DBT: variants seen among roughly 807,000 people sequenced by gnomAD.
DBT encodes the protein lipoamide acyltransferase component of branched-chain alpha-keto acid dehydrogenase complex, mitochondrial.
Under a neutral mutation model 51.3 loss-of-function variants are expected in DBT, and 40 were observed. The observed-to-expected ratio is 0.78, with a 90% CI of 0.61 to 1.02. The LOEUF is 1.02. DBT is among the 50% of genes least tolerant of loss of function. The probability of loss-of-function intolerance (pLI) is 0.00; values close to 1 mark genes in which losing one functional copy is unlikely to be tolerated. For missense variants in DBT, 510 were observed against 580.2 expected (o/e 0.88, Z 1.24); for synonymous variants, 181 against 190.4 (o/e 0.95, Z 0.41).
At chr1:100,235,533 G>A (rs201227040) in intron 2 of DBT, 22 bp from the exon 3 acceptor site, 2 of 1,359,392 alleles carry the variant, frequency 1.5e-6, no homozygotes, top group Non-Finnish European at 2.1e-6. Context: ...AATGAGAAAT[G>A]ATCTCATTAA....
intron 10 of DBT, among the ~76,000 whole-genome samples, chr1:100,203,208 C>A (rs2100773838): frequency 6.6e-6 from 1 of 151,958 alleles, no homozygotes; most frequent in Non-Finnish European, 1.5e-5. Context: ...GCTAGCTGGA[C>A]TAATAAAGAA....
At chr1:100,202,701 C>T (rs62243433) in intron 10 of DBT, among the ~76,000 whole-genome samples, 1 of 152,088 alleles carries the variant, frequency 6.6e-6, no homozygotes, top group Non-Finnish European at 1.5e-5. Flanking sequence ...TCAGCAAATG[C>T]AAAAGAATGG....
intron 3 of DBT, among the ~76,000 whole-genome samples, chr1:100,234,807 G>A (rs1035000428): frequency 6.6e-6 from 1 of 152,060 alleles, no homozygotes; most frequent in African/African-American, 2.4e-5. Context: ...ATAATAATAA[G>A]TACAAGAAAA....
chr1:100,207,647 C>T (rs1052163094), intron 8 of DBT, among the ~76,000 whole-genome samples: 3 of 152,068 alleles, frequency 2.0e-5, no homozygotes, highest in Non-Finnish European at 4.4e-5. Flanking sequence ...CATAGCAAGA[C>T]TCCATCTCTA....
intron 1 of DBT, among the ~76,000 whole-genome samples, chr1:100,248,101 CAAAAAAA>C (rs1003290152): frequency 8.0e-5 from 6 of 75,140 alleles, no homozygotes; most frequent in Admixed American, 4.5e-4. Flanking sequence ...GACTCCATTT[CAAAAAAA>C]AAAAAAAAAA....
chr1:100,208,910 C>CAAAAA (rs11369687), intron 8 of DBT, among the ~76,000 whole-genome samples: 1 of 109,428 alleles, frequency 9.1e-6, no homozygotes, highest in Non-Finnish European at 1.9e-5. Flanking sequence ...GACTCTGTAT[C>CAAAAA]AAAAAAAAAA....
rs1661088714 is a variant in DBT, at chr1:100,196,338, C to T, written c.1366G>A (p.Asp456Asn). ...VSWSADHRVI[D>N]GATMSRFSNL... Reference sequence around the variant, plus strand: ...GAGAAGCGTGACATTGTAGCACCATCAATAACTCTGTGATCAGCTGACCAG... The same window carrying T: ...GAGAAGCGTGACATTGTAGCACCATTAATAACTCTGTGATCAGCTGACCAG... Residue 456 changes from aspartate (D) to asparagine (N), a missense_variant, in exon 11 of 11, where the codon GAT becomes AAT. By Grantham distance (23) the Asp-to-Asn change is conservative. Transcript: ENST00000370132. 4 of 1,570,044 alleles carry T rather than the reference C, an allele frequency of 2.5e-6. No homozygotes were observed. The highest frequency in any genetic ancestry group is 1.4e-5 in the African/African-American group (1 of 69,874).
rs867772867 is a variant in DBT, at chr1:100,190,704, C to G, written c.*5551G>C. The G allele has an allele frequency of 6.6e-6, 1 of 152,100 alleles. No individual in the cohort carries two copies. The highest frequency in any genetic ancestry group is 2.4e-5 in the African/African-American group (1 of 41,404). The allele number at this position is 152,100 out of a possible 1,614,324, so 9.4% of individuals were successfully genotyped here. ...GTTGGTATTTGCTGATGGAGAACCA[C>G]TTCTCGGAAAGAGAAACAAAAAGAA... On this transcript the variant is annotated 3_prime_UTR_variant, in exon 11 of 11. Coordinates refer to ENST00000370132, the MANE Select transcript of DBT (RefSeq NM_001918.5).
chr1:100,235,954 G>A (rs1431868696), intron 2 of DBT, among the ~76,000 whole-genome samples: 1 of 152,074 alleles, frequency 6.6e-6, no homozygotes, highest in Non-Finnish European at 1.5e-5. Flanking sequence ...ATTCTTAATG[G>A]CTAAAAATCA....
chr1:100,214,267 A>T (rs1283210507), intron 7 of DBT, among the ~76,000 whole-genome samples: 1 of 152,208 alleles, frequency 6.6e-6, no homozygotes, highest in Non-Finnish European at 1.5e-5. Context: ...CAGAGGCTTT[A>T]CTTAACTGGC....
intron 10 of DBT, among the ~76,000 whole-genome samples, chr1:100,199,257 G>A (rs1028230077): frequency 2.0e-5 from 3 of 152,140 alleles, no homozygotes; most frequent in African/African-American, 7.2e-5. Flanking sequence ...CAAAATTTAA[G>A]TTCGGAGGGT....
At chr1:100,200,272 G>C (rs1376929418) in intron 10 of DBT, among the ~76,000 whole-genome samples, 2 of 152,194 alleles carry the variant, frequency 1.3e-5, no homozygotes, top group African/African-American at 4.8e-5. Flanking sequence ...TCCCCTCACA[G>C]TGTAAATAAA....
At chr1:100,208,724 C>T (rs1570808907) in intron 8 of DBT, among the ~76,000 whole-genome samples, 1 of 150,490 alleles carries the variant, frequency 6.6e-6, no homozygotes, top group East Asian at 1.9e-4. Flanking sequence ...ATGGCAAGAC[C>T]CCATTTCTAC....
At chr1:100,207,061 A>C (rs1661832102) in intron 8 of DBT, among the ~76,000 whole-genome samples, 1 of 152,204 alleles carries the variant, frequency 6.6e-6, no homozygotes, top group African/African-American at 2.4e-5. Context: ...CCTGGGAGAC[A>C]GAGTGAGACT....
chr1:100,226,138 T>C (rs1663192737), intron 4 of DBT, among the ~76,000 whole-genome samples: 1 of 152,194 alleles, frequency 6.6e-6, no homozygotes, highest in Admixed American at 6.5e-5. Context: ...CATAGTACTG[T>C]TCAGAATCCT....
rs76174317 is a variant in DBT at position 100,207,100 on chromosome 1, T to C, written c.1018-464A>G. Among the ~76,000 whole-genome samples the C allele has an allele frequency of 8.4e-3, 1,277 of 152,246 alleles. 11 individuals carry two copies. Among genetic ancestry groups the C allele is most frequent in the Non-Finnish European group, 0.013 (907 of 68,012 alleles). Reference sequence around the variant, plus strand: ...TCCAAAAAAAGATGATAATTTTTTATTGATAAGAATGTAGGCAATAGGCTA... The same window carrying C: ...TCCAAAAAAAGATGATAATTTTTTACTGATAAGAATGTAGGCAATAGGCTA... On this transcript the variant is annotated intron_variant, in intron 8 of 10. Transcript: ENST00000370132.
chr1:100,191,315 A>G lies in DBT; in HGVS notation c.*4940T>C, dbSNP rs1660792220. ...ATTGAACTTAAACTGGGAAGAAAAT[A>G]CAAATGTTTTTTGTTGGAGAAATTA... is the stretch of plus-strand genomic sequence containing the variant. On this transcript the variant is annotated 3_prime_UTR_variant, in exon 11 of 11. Coordinates refer to ENST00000370132, the MANE Select transcript of DBT (RefSeq NM_001918.5). 6.6e-6 allele frequency: 1 copy of G among 152,222 alleles called. No homozygotes were observed. Among genetic ancestry groups the G allele is most frequent in the Non-Finnish European group, 1.5e-5 (1 of 68,040 alleles). The allele number at this position is 152,222 out of a possible 1,614,324, so 9.4% of individuals were successfully genotyped here.
rs1660751958 is a variant in DBT at position 100,190,327 on chromosome 1, T to C, written c.*5928A>G. ...ATGAAGAATCTCTTGAGAAGTGTTATGGGCCATGTCTGGAAATGGCCTACA... is the reference window on the plus strand; with the variant it reads ...ATGAAGAATCTCTTGAGAAGTGTTACGGGCCATGTCTGGAAATGGCCTACA... On this transcript the variant is annotated 3_prime_UTR_variant, in exon 11 of 11. Coordinates refer to ENST00000370132, the MANE Select transcript of DBT (RefSeq NM_001918.5). 1 of 152,238 alleles carries C rather than the reference T, an allele frequency of 6.6e-6. No homozygotes were observed. The highest frequency in any genetic ancestry group is 2.1e-4 in the South Asian group (1 of 4,836). The allele number at this position is 152,238 out of a possible 1,614,324, so 9.4% of individuals were successfully genotyped here. A position where few individuals can be genotyped will look rare whatever the true frequency, so the allele number is the denominator to read the frequency against.
chr1:100,242,072 C>T (rs1467036883), intron 1 of DBT, among the ~76,000 whole-genome samples: 2 of 151,838 alleles, frequency 1.3e-5, no homozygotes, highest in Non-Finnish European at 2.9e-5. Context: ...ATACTGTAAA[C>T]ATAAACTACA....
Sources: allele counts gnomAD v4.1 joint callset (sites outside exome capture counted in the v4.1 genomes callset), GRCh38; gene constraint gnomAD v4.1.1; transcripts MANE v1.5; gene names NCBI Gene and HGNC (gene_info 2026-07-23, HGNC 2026-07-21).